The following CRHR1 variants were observed in gnomAD, a reference collection of about 807,000 sequenced individuals.
CRHR1 encodes corticotropin releasing hormone receptor 1.
In CRHR1, 28 loss-of-function variants were observed where a neutral mutation model predicts 56.0. That is an observed-to-expected ratio of 0.50 (90% CI 0.37 to 0.69). CRHR1 has a LOEUF of 0.69. Ranked by LOEUF, CRHR1 falls within the 30% of genes least tolerant of loss-of-function variation. CRHR1 has a pLI of 0.00. For missense variants in CRHR1, 376 were observed against 548.0 expected (o/e 0.69, Z 3.13); for synonymous variants, 195 against 216.5 (o/e 0.90, Z 0.87).
Position 45,807,049 on chromosome 17 carries a change from C to T in CRHR1, c.73C>T (p.Leu25Phe). Residue 25 changes from leucine (L) to phenylalanine (F), a missense_variant, in exon 2 of 13, where the codon CTC becomes TTC. Coordinates refer to ENST00000314537, the MANE Select transcript of CRHR1 (RefSeq NM_004382.5). The part of the protein sequence containing the change: ...LLGLNPVSAS[L>F]QDQHCESLSL... Reference sequence around the variant, plus strand: ...GGGGCTGAACCCCGTCTCTGCCTCCCTCCAGGACCAGCACTGCGAGAGCCT... The same window carrying T: ...GGGGCTGAACCCCGTCTCTGCCTCCTTCCAGGACCAGCACTGCGAGAGCCT... 3 of 1,614,130 alleles carry T rather than the reference C, an allele frequency of 1.9e-6. No individual in the cohort carries two copies. Among genetic ancestry groups the T allele is most frequent in the Non-Finnish European group, 2.5e-6 (3 of 1,180,008 alleles).
chr17:45,830,646 C>A, intron 7 of CRHR1, 76 bp downstream of exon 7: 4 of 1,516,968 alleles, frequency 2.6e-6, no homozygotes, highest in Non-Finnish European at 2.7e-6. Flanking sequence ...CTCAGGCCAG[C>A]GGGCTGGGGG....
At position 45,834,798 on chromosome 17, in the gene CRHR1, G is replaced by A. The variant is rs1180330881; in HGVS notation, c.*34G>A. The A allele has an allele frequency of 1.9e-6, 3 of 1,612,620 alleles. No homozygotes were observed. Among genetic ancestry groups the A allele is most frequent in the Non-Finnish European group, 2.5e-6 (3 of 1,179,626 alleles). ...GTCATGGAGCAGCCCCCAAAGAGCT[G>A]TGGCTGGGGGGATGACGGCCAGGCT... On this transcript the variant is annotated 3_prime_UTR_variant, in exon 13 of 13. Transcript: ENST00000314537.
chr17:45,796,903 A>C (rs2061527549), intron 1 of CRHR1, among the ~76,000 whole-genome samples: 1 of 152,258 alleles, frequency 6.6e-6, no homozygotes, highest in Non-Finnish European at 1.5e-5. Flanking sequence ...ACGGGCTACA[A>C]GAACATATCC....
intron 2 of CRHR1, among the ~76,000 whole-genome samples, chr17:45,812,716 G>A (rs1175489789): frequency 2.6e-5 from 4 of 152,006 alleles, no homozygotes; most frequent in East Asian, 1.9e-4. Flanking sequence ...CTGACTTCCC[G>A]CCTGCCTCTC....
rs149196665 is a variant in CRHR1 at position 45,811,960 on chromosome 17, C to A, written c.122-4503C>A. Reference sequence around the variant, plus strand: ...TATATCCCAAGCCCCTTGAACATTTCTTAGGTAGTCAGTAAATAACAGCTG... The same window carrying A: ...TATATCCCAAGCCCCTTGAACATTTATTAGGTAGTCAGTAAATAACAGCTG... On this transcript the variant is annotated intron_variant, in intron 2 of 12. Coordinates refer to ENST00000314537, the MANE Select transcript of CRHR1 (RefSeq NM_004382.5). 4.3e-3 allele frequency among the ~76,000 whole-genome samples: 662 copies of A among 152,268 alleles called. 4 individuals carry two copies. The highest frequency in any genetic ancestry group is 0.015 in the African/African-American group (630 of 41,538).
In CRHR1 at chr17:45,801,378, A is replaced by G. The variant is rs531543662; in HGVS notation, c.34-5632A>G. Among the ~76,000 whole-genome samples the G allele has an allele frequency of 2.6e-5, 4 of 152,346 alleles. No individual in the cohort carries two copies. In the South Asian group the frequency reaches 8.3e-4, roughly 32 times the overall value. On this transcript the variant is annotated intron_variant, in intron 1 of 12. Transcript: ENST00000314537. ...TGACATTGGGTACATCAACTACCCCAGACTTAAAATGGGAGCATGATACCC... is the reference window on the plus strand; with the variant it reads ...TGACATTGGGTACATCAACTACCCCGGACTTAAAATGGGAGCATGATACCC...
intron 7 of CRHR1, 126 bp from the exon 8 acceptor site, chr17:45,830,754 T>G: frequency 8.5e-7 from 1 of 1,178,600 alleles, no homozygotes; most frequent in Non-Finnish European, 1.2e-6. Flanking sequence ...TTGAAGGAGG[T>G]GTGTGAGTTT....
intron 1 of CRHR1, among the ~76,000 whole-genome samples, chr17:45,792,174 C>G (rs998280165): frequency 6.6e-6 from 1 of 152,166 alleles, no homozygotes; most frequent in African/African-American, 2.4e-5. Flanking sequence ...CTCAGCCACT[C>G]CTTCATCTTC....
chr17:45,799,213 C>T (rs1437199601), intron 1 of CRHR1, among the ~76,000 whole-genome samples: 1 of 152,218 alleles, frequency 6.6e-6, no homozygotes, highest in East Asian at 1.9e-4. Context: ...GTCTATCCCC[C>T]ACTGACCCCT....
At chr17:45,814,045 T>C (rs2061877791) in intron 2 of CRHR1, among the ~76,000 whole-genome samples, 1 of 152,234 alleles carries the variant, frequency 6.6e-6, no homozygotes, top group African/African-American at 2.4e-5. Flanking sequence ...TGCCCAGTCC[T>C]TTCCTGCCCT....
At chr17:45,831,159 T>C (rs1426219999) in intron 8 of CRHR1, among the ~76,000 whole-genome samples, 4 of 152,164 alleles carry the variant, frequency 2.6e-5, no homozygotes, top group African/African-American at 2.4e-5. Context: ...CTCCTTTATC[T>C]GCCTTGAGCT....
At chr17:45,832,558 C>T (rs1489467700) in intron 8 of CRHR1, among the ~76,000 whole-genome samples, 8 of 152,206 alleles carry the variant, frequency 5.3e-5, no homozygotes, top group South Asian at 4.2e-4. Flanking sequence ...ATAAGGGCTT[C>T]CAGTTTGTCT....
Position 45,784,556 on chromosome 17 carries a change from C to T in CRHR1, c.12C>T (p.His4=), listed in dbSNP as rs1219786403. The change falls in exon 1 of 13, where the codon CAC becomes CAT. Residue 4 remains histidine (H), a synonymous_variant. Transcript: ENST00000314537. The surrounding 1 kb of genome is among the most constrained non-coding windows in gnomAD (Gnocchi z 4.2). The part of the protein sequence containing the change: MGG[H]PQLRLVKALL... ...GAGCGAGCCCGAGGATGGGAGGGCA[C>T]CCGCAGCTCCGTCTCGTCAAGGTAA... 10 of 1,554,444 alleles carry T rather than the reference C, an allele frequency of 6.4e-6. No individual in the cohort carries two copies. Among genetic ancestry groups the T allele is most frequent in the Admixed American group, 1.9e-5 (1 of 52,856 alleles).
chr17:45,788,374 CTG>C (rs2061370800), intron 1 of CRHR1, among the ~76,000 whole-genome samples: 2 of 152,164 alleles, frequency 1.3e-5, no homozygotes, highest in African/African-American at 4.8e-5. Flanking sequence ...TCTCATGTCT[CTG>C]TGAAAGGTCT....
chr17:45,799,046 G>C (rs576929430), intron 1 of CRHR1, among the ~76,000 whole-genome samples: 1 of 152,340 alleles, frequency 6.6e-6, no homozygotes, highest in East Asian at 1.9e-4. Flanking sequence ...GAGGCGGGAT[G>C]GGGAGAAGCC....
At chr17:45,790,424 G>T (rs998710980) in intron 1 of CRHR1, among the ~76,000 whole-genome samples, 1 of 152,188 alleles carries the variant, frequency 6.6e-6, no homozygotes, top group Non-Finnish European at 1.5e-5. Flanking sequence ...TGGAAGACGG[G>T]TTCCCCTTCA....
At chr17:45,801,471 T>C (rs567663448) in intron 1 of CRHR1, among the ~76,000 whole-genome samples, 5 of 152,302 alleles carry the variant, frequency 3.3e-5, no homozygotes, top group African/African-American at 1.2e-4. Flanking sequence ...TACGCGATGC[T>C]ATAATTGAGC....
chr17:45,820,786 G>C (rs1034351173), intron 3 of CRHR1, among the ~76,000 whole-genome samples: 3 of 152,094 alleles, frequency 2.0e-5, no homozygotes, highest in African/African-American at 7.2e-5. Context: ...CCCAAGATCT[G>C]CCCCATGAAC....
chr17:45,826,692 G>A (rs892190120), intron 4 of CRHR1: 1 of 152,242 alleles, frequency 6.6e-6, no homozygotes, highest in Admixed American at 6.6e-5. Context: ...AATGTCGCAG[G>A]GGGCCGGACA....
Sources: gnomAD v4.1 joint callset for allele counts (sites outside exome capture counted in the v4.1 genomes callset) on GRCh38, gnomAD v4.1.1 for gene constraint, Gnocchi (gnomAD v3.1) non-coding constraint, MANE v1.5 for transcripts, NCBI Gene and HGNC (gene_info 2026-07-23, HGNC 2026-07-21) for gene names.